The following MTAP variants were observed in gnomAD, a reference collection of about 807,000 sequenced individuals.
MTAP encodes the protein methylthioadenosine phosphorylase.
MTAP carries 33 observed loss-of-function variants against 33.6 expected under a neutral mutation model. That is an observed-to-expected ratio of 0.98 (90% CI 0.74 to 1.31). The LOEUF is 1.31. Ranked by LOEUF, MTAP falls within the 40% of genes most tolerant of loss-of-function variation. The probability of loss-of-function intolerance (pLI) is 0.00; values close to 1 mark genes in which losing one functional copy is unlikely to be tolerated. For synonymous variants in MTAP, 148 were observed against 125.7 expected, an observed-to-expected ratio of 1.18 and a Z score of -1.19; for missense variants, 367 against 360.0, an observed-to-expected ratio of 1.02 and a Z score of -0.16.
intron 1 of MTAP, among the ~76,000 whole-genome samples, chr9:21,924,107 G>A (rs1818829836): frequency 6.6e-6 from 1 of 152,202 alleles, no homozygotes; most frequent in Non-Finnish European, 1.5e-5. Context: ...GTGGGTAATT[G>A]TGATGAGATG....
rs574828111 is a variant in MTAP, at chr9:21,901,912, C to G, written c.148-29096C>G. Among the ~76,000 whole-genome samples the G allele has an allele frequency of 1.1e-3, 167 of 152,256 alleles. 1 individual carries two copies. Among genetic ancestry groups the G allele is most frequent in the African/African-American group, 4.0e-3 (165 of 41,540 alleles). ...CAAGTTCCAAATTTGTTTGAGTTTT[C>G]TAGCTGCTAGAAATAACAAAAAGGA... On this transcript the variant is annotated intron_variant, in intron 1 of 1. Coordinates refer to the MTAP transcript ENST00000577563.
At chr9:21,920,634 C>T (rs1424379436) in intron 1 of MTAP, among the ~76,000 whole-genome samples, 1 of 152,198 alleles carries the variant, frequency 6.6e-6, no homozygotes, top group African/African-American at 2.4e-5. Flanking sequence ...ATATTTTCAC[C>T]TTTCTGCATG....
At chr9:21,936,819 T>C (rs1819046953) in exon 8 of MTAP, 1 of 152,164 alleles carries the variant, frequency 6.6e-6, no homozygotes, top group African/African-American at 2.4e-5. Flanking sequence ...GAGATAACTA[T>C]ATGCAAAGAA....
intron 1 of MTAP, among the ~76,000 whole-genome samples, chr9:21,924,735 C>T (rs867672374): frequency 1.3e-5 from 2 of 152,214 alleles, no homozygotes; most frequent in African/African-American, 2.4e-5. Flanking sequence ...CTTCCCTTCC[C>T]TACCCAGGGC....
chr9:21,931,800 A>T (rs183548233), downstream of MTAP: 5 of 152,308 alleles, frequency 3.3e-5, no homozygotes, highest in East Asian at 9.6e-4. Flanking sequence ...TCCTGCTCTA[A>T]AACTTTTTAA....
chr9:21,806,059 T>G (rs1437524036), intron 1 of MTAP, among the ~76,000 whole-genome samples: 2 of 152,164 alleles, frequency 1.3e-5, no homozygotes, highest in Non-Finnish European at 2.9e-5. Context: ...ATCAAGAATT[T>G]TGATTTTAAA....
chr9:21,823,510 G>C (rs932976494), intron 4 of MTAP, among the ~76,000 whole-genome samples: 1 of 152,158 alleles, frequency 6.6e-6, no homozygotes, highest in African/African-American at 2.4e-5. Context: ...TTCCCTTGTG[G>C]GTAACCCGAC....
chr9:21,852,663 T>C (rs1437421360), intron 5 of MTAP, among the ~76,000 whole-genome samples: 2 of 147,888 alleles, frequency 1.4e-5, no homozygotes, highest in Non-Finnish European at 3.0e-5. Context: ...AAAGAACTTA[T>C]ATACATCACA....
chr9:21,827,745 G>A (rs1824858884), intron 4 of MTAP, among the ~76,000 whole-genome samples: 1 of 152,216 alleles, frequency 6.6e-6, no homozygotes, highest in Non-Finnish European at 1.5e-5. Flanking sequence ...CTTGAACATA[G>A]TCATTTGAAT....
In MTAP at chr9:21,825,042, C is replaced by T. The variant is rs7866152; in HGVS notation, c.347+6840C>T. 2.7e-4 allele frequency among the ~76,000 whole-genome samples: 41 copies of T among 152,294 alleles called. No individual in the cohort carries two copies. The East Asian group carries it at 5.4e-3, about 20-fold the overall frequency. On this transcript the variant is annotated intron_variant, in intron 4 of 7. Transcript: ENST00000644715. Reference sequence around the variant, plus strand: ...GGAAAGGGAATTCCTTGACCCCTTACGCTTCCTAGGTGAGGCGATGCCTCA... The same window carrying T: ...GGAAAGGGAATTCCTTGACCCCTTATGCTTCCTAGGTGAGGCGATGCCTCA...
At chr9:21,855,213 A>C (rs1249024960) in intron 6 of MTAP, among the ~76,000 whole-genome samples, 1 of 152,158 alleles carries the variant, frequency 6.6e-6, no homozygotes, top group Non-Finnish European at 1.5e-5. Context: ...AAGGAAAAAA[A>C]TCTATTAACC....
chr9:21,807,460 A>G (rs1382465751), intron 1 of MTAP, among the ~76,000 whole-genome samples: 1 of 152,114 alleles, frequency 6.6e-6, no homozygotes, highest in East Asian at 1.9e-4. Flanking sequence ...TTTTTTGCCT[A>G]GGGACACAAG....
At chr9:21,937,520 A>G (rs905868339) in exon 8 of MTAP, 7 of 152,150 alleles carry the variant, frequency 4.6e-5, no homozygotes, top group Non-Finnish European at 7.4e-5. Flanking sequence ...TGTTTTCTCA[A>G]AATAATTCTT....
At chr9:21,913,543 A>C (rs957963959) in intron 1 of MTAP, among the ~76,000 whole-genome samples, 13 of 152,250 alleles carry the variant, frequency 8.5e-5, no homozygotes, top group African/African-American at 2.9e-4. Context: ...TTCCCTATTT[A>C]ATAAATGGTG....
chr9:21,865,444 T>A lies in MTAP; in HGVS notation c.*3430T>A, dbSNP rs1270905823. ...GCAGCATGAGAATGGACTAATACAC[T>A]CCTCAAATGTTTTGAAGATTGTTGC... On this transcript the variant is annotated 3_prime_UTR_variant, in exon 8 of 8. Transcript: ENST00000644715. 1 of 985,252 alleles carries A rather than the reference T, an allele frequency of 1.0e-6. No homozygotes were observed. The allele number at this position is 985,252 out of a possible 1,614,324, so 61.0% of individuals were successfully genotyped here. A position where few individuals can be genotyped will look rare whatever the true frequency, so the allele number is the denominator to read the frequency against.
chr9:21,835,648 T>C (rs941392649), intron 4 of MTAP, among the ~76,000 whole-genome samples: 1 of 152,132 alleles, frequency 6.6e-6, no homozygotes, highest in African/African-American at 2.4e-5. Flanking sequence ...GATAGAGACC[T>C]TCAGAAGGAG....
At chr9:21,903,268 C>T (rs776176332) in intron 1 of MTAP, among the ~76,000 whole-genome samples, 2 of 152,144 alleles carry the variant, frequency 1.3e-5, no homozygotes, top group African/African-American at 2.4e-5. Flanking sequence ...TGCAAAACGA[C>T]GATCCATGGC....
At chr9:21,910,422 T>C (rs1369587012) in intron 1 of MTAP, among the ~76,000 whole-genome samples, 1 of 152,118 alleles carries the variant, frequency 6.6e-6, no homozygotes, top group East Asian at 1.9e-4. Flanking sequence ...CAACATTAAA[T>C]GGGGTGGTCA....
chr9:21,869,332 C>T (rs549053969), downstream of MTAP, among the ~76,000 whole-genome samples: 5 of 152,326 alleles, frequency 3.3e-5, no homozygotes, highest in African/African-American at 1.2e-4. Context: ...AATTTTCACA[C>T]TTAACCCTTA....
Sources: allele counts gnomAD v4.1 joint callset (sites outside exome capture counted in the v4.1 genomes callset), GRCh38; gene constraint gnomAD v4.1.1; transcripts MANE v1.5; gene names NCBI Gene and HGNC (gene_info 2026-07-23, HGNC 2026-07-21).